Variants in MYO15A observed in about 807,000 individuals in gnomAD.
The protein encoded by MYO15A is myosin XVA.
In MYO15A, 308 loss-of-function variants were observed where a neutral mutation model predicts 394.6. The observed-to-expected ratio is 0.78, with a 90% CI of 0.71 to 0.86. The LOEUF (loss-of-function observed/expected upper bound fraction) is 0.86, where lower values mean the gene tolerates loss of function less well. Among genes scored for constraint, MYO15A ranks in the 40% least tolerant of loss-of-function variants. The pLI, the probability that MYO15A is intolerant of heterozygous loss-of-function variation, is 0.00. For synonymous variants in MYO15A, 1,957 were observed against 2,003.8 expected (o/e 0.98, Z 0.62); for missense variants, 4,606 against 4,799.1 (o/e 0.96, Z 1.19).
At chr17:18,168,195 T>A (rs1029856694) in intron 62 of MYO15A, among the ~76,000 whole-genome samples, 5 of 152,220 alleles carry the variant, frequency 3.3e-5, no homozygotes, top group African/African-American at 9.6e-5. Context: ...TTTCTTTTTT[T>A]AAAAATGATA....
In MYO15A at chr17:18,151,500, T is replaced by A; in HGVS notation, c.7760T>A (p.Phe2587Tyr). 1 of 1,614,162 alleles carries A rather than the reference T, an allele frequency of 6.2e-7. No individual in the cohort carries two copies. The highest frequency in any genetic ancestry group is 8.5e-7 in the Non-Finnish European group (1 of 1,180,046). Residue 2587 changes from phenylalanine (F) to tyrosine (Y), a missense_variant, in exon 40 of 66, where the codon TTC becomes TAC. Transcript: ENST00000647165. ...KNIVRQYQQP[F>Y]RGGRPEALRK... is the part of the protein sequence containing the mutation. ...ATTGTCAGGCAGTACCAGCAGCCGT[T>A]CCGGGGAGGCCGGCCTGAGGCCCTC...
At chr17:18,145,545 C>T (rs754719858) in intron 29 of MYO15A, among the ~76,000 whole-genome samples, 2 of 152,036 alleles carry the variant, frequency 1.3e-5, no homozygotes, top group Non-Finnish European at 2.9e-5. Flanking sequence ...GAAACGCTGT[C>T]TCTACTAAAA....
At chr17:18,141,875 C>G in intron 23 of MYO15A, 105 bp downstream of exon 23, 1 of 1,306,054 alleles carries the variant, frequency 7.7e-7, no homozygotes, top group South Asian at 1.2e-5. Flanking sequence ...CCAGGAGCAA[C>G]CCAGATGAGC....
intron 51 of MYO15A, chr17:18,158,228 G>GC (rs1235771224): frequency 1.7e-6 from 1 of 589,800 alleles, no homozygotes; most frequent in Non-Finnish European, 3.0e-6. Flanking sequence ...AGGTGAGTGG[G>GC]CGGCTTGTGG....
chr17:18,125,283 C>T (rs1408874954), intron 4 of MYO15A, 52 bp downstream of exon 4: 4 of 1,562,910 alleles, frequency 2.6e-6, no homozygotes, highest in Non-Finnish European at 3.5e-6. Context: ...AGGCAGCTGC[C>T]TCCTGGGGCC....
At chr17:18,131,673 G>A (rs920138379) in intron 10 of MYO15A, 142 bp downstream of exon 10, 5 of 1,067,236 alleles carry the variant, frequency 4.7e-6, no homozygotes, top group Non-Finnish European at 7.0e-6. Flanking sequence ...TGTGAGCCCA[G>A]GACCTCCCCT....
chr17:18,161,836 T>C (rs1437507537), intron 57 of MYO15A, among the ~76,000 whole-genome samples: 1 of 152,062 alleles, frequency 6.6e-6, no homozygotes, highest in Non-Finnish European at 1.5e-5. Context: ...AGCAAGGGTC[T>C]TGAGGGATCT....
At position 18,120,757 on chromosome 17, in the gene MYO15A, A is replaced by G. The variant is rs1233934944; in HGVS notation, c.1957A>G (p.Thr653Ala). ...GCCCGCGCCACAGCCCGCGCCCAGG[A>G]CCCTCTCCCACTGGAGCGCGCTCCT... ...RPPAPQPAPR[T>A]LSHWSALLSP... Residue 653 changes from threonine to alanine, a missense_variant, in exon 2 of 66, where the codon ACC becomes GCC. Coordinates refer to ENST00000647165, the MANE Select transcript of MYO15A (RefSeq NM_016239.4). The G allele has an allele frequency of 1.4e-6, 2 of 1,446,848 alleles. No homozygotes were observed. The highest frequency in any genetic ancestry group is 1.4e-5 in the South Asian group (1 of 73,862). 89.6% of individuals were successfully genotyped at this position (1,446,848 alleles called of 1,614,324 possible).
At chr17:18,163,060 CCT>C (rs2046798798) in intron 58 of MYO15A, among the ~76,000 whole-genome samples, 182 bp from the exon 59 acceptor site, 1 of 152,194 alleles carries the variant, frequency 6.6e-6, no homozygotes. Context: ...TGCCCAGAGA[CCT>C]CTCTGTCAGG....
rs762252599 is a variant in MYO15A at position 18,125,185 on chromosome 17, C to G, written c.3710C>G (p.Thr1237Ser). ...MTQLEDLQET[T>S]VLSNLKIRFE... ...CCTTCTAGAGACCTCCAGGAAACCACTGTGCTGTCCAACCTCAAGATTAGA... is the reference window on the plus strand; with the variant it reads ...CCTTCTAGAGACCTCCAGGAAACCAGTGTGCTGTCCAACCTCAAGATTAGA... Residue 1237 changes from threonine (T) to serine (S), a missense_variant, in exon 4 of 66, where the codon ACT becomes AGT. By Grantham distance (58) the Thr-to-Ser change is moderately conservative (BLOSUM62 1). Around this residue, in one of 2 missense-constraint regions of MYO15A, gnomAD observed 2,776 missense variants for 3,109.3 expected, o/e 0.89. Coordinates refer to ENST00000647165, the MANE Select transcript of MYO15A (RefSeq NM_016239.4). 2 of 1,614,160 alleles carry G rather than the reference C, an allele frequency of 1.2e-6. No individual in the cohort carries two copies. Among genetic ancestry groups the G allele is most frequent in the South Asian group, 2.2e-5 (2 of 91,090 alleles).
chr17:18,112,452 G>A (rs908282219), intron 1 of MYO15A, among the ~76,000 whole-genome samples: 1 of 152,134 alleles, frequency 6.6e-6, no homozygotes, highest in African/African-American at 2.4e-5. Flanking sequence ...CTGGATTGCA[G>A]TGGTGCAATC....
intron 53 of MYO15A, 96 bp downstream of exon 53, chr17:18,159,093 G>A (rs1597811697): frequency 7.0e-7 from 1 of 1,435,820 alleles, no homozygotes. Flanking sequence ...TTCTCAGTGA[G>A]ACCCTCTGAT....
rs1220004764 is a variant in MYO15A, at chr17:18,142,097, C to T, written c.5668C>T (p.Leu1890=). Residue 1890 remains leucine, a synonymous_variant, in exon 24 of 66, where the codon CTA becomes TTA. Transcript: ENST00000647165. ...TCCTTAGCTGTTCCTTAAGGAACACCTATACCAGCTGCTGGAGAGTATGCG... is the reference window on the plus strand; with the variant it reads ...TCCTTAGCTGTTCCTTAAGGAACACTTATACCAGCTGCTGGAGAGTATGCG... ...GVSKLFLKEH[L]YQLLESMREH... The T allele has an allele frequency of 1.9e-6, 3 of 1,613,276 alleles. No individual in the cohort carries two copies. The highest frequency in any genetic ancestry group is 1.1e-5 in the South Asian group (1 of 91,086).
chr17:18,160,954 G>T, intron 56 of MYO15A: 1 of 394,468 alleles, frequency 2.5e-6, no homozygotes, highest in Non-Finnish European at 4.9e-6. Flanking sequence ...GCTCCTCCCA[G>T]CCCTGGGCCT....
rs577251044 is a variant in MYO15A at position 18,114,251 on chromosome 17, T to C, written c.-219-4331T>C. On this transcript the variant is annotated intron_variant, in intron 1 of 65. Coordinates refer to ENST00000647165, the MANE Select transcript of MYO15A (RefSeq NM_016239.4). Reference sequence around the variant, plus strand: ...CCACCACAGTCCTGTCTTTTTTTTTTTTTTTTTTTTTTTTTTGAGACGGAG... The same window carrying C: ...CCACCACAGTCCTGTCTTTTTTTTTCTTTTTTTTTTTTTTTTGAGACGGAG... 1.9e-3 allele frequency among the ~76,000 whole-genome samples: 266 copies of C among 137,196 alleles called. 5 individuals carry two copies. Among genetic ancestry groups the C allele is most frequent in the African/African-American group, 6.8e-3 (255 of 37,376 alleles). The allele number at this position is 137,196 out of a possible 152,430, so 90.0% of individuals were successfully genotyped here. A position where few individuals can be genotyped will look rare whatever the true frequency, so the allele number is the denominator to read the frequency against.
intron 18 of MYO15A, chr17:18,139,259 G>A (rs1347100671): frequency 1.2e-5 from 7 of 605,568 alleles, no homozygotes; most frequent in South Asian, 1.9e-5. Context: ...CTGCCCTGGA[G>A]GTGTCTCAGG....
chr17:18,127,834 GATATAT>G (rs55650584), intron 7 of MYO15A, among the ~76,000 whole-genome samples: 45,493 of 131,044 alleles, frequency 0.35, 7,742 homozygotes, highest in South Asian at 0.52. Context: ...GAAAAAAAAA[GATATAT>G]ATATATATAT....
At position 18,158,992 on chromosome 17, in the gene MYO15A, A is replaced by T. The variant is rs1224359137; in HGVS notation, c.9151A>T (p.Thr3051Ser). Residue 3051 changes from threonine (T) to serine (S), a missense_variant, in exon 53 of 66, where the codon ACC becomes TCC. Physicochemically the swap from Thr to Ser is moderately conservative, Grantham distance 58 (BLOSUM62 1). Transcript: ENST00000647165. The part of the protein sequence containing the change: ...SRTLEDMLCF[T>S]KTPLQESLIE... ...AACCTTGGAGGACATGCTTTGCTTC[A>T]CCAAGGTGTCCAGTCCCGGACCTCA... The T allele has an allele frequency of 3.1e-6, 5 of 1,613,858 alleles. No individual in the cohort carries two copies. In the East Asian group the frequency reaches 1.1e-4, roughly 36 times the overall value.
intron 12 of MYO15A, among the ~76,000 whole-genome samples, chr17:18,133,704 G>A (rs1043143294): frequency 3.9e-5 from 6 of 152,076 alleles, no homozygotes; most frequent in South Asian, 2.1e-4. Flanking sequence ...GTGCAATGGC[G>A]CAGTCTTGGC....
Sources: gnomAD v4.1 joint callset for allele counts (sites outside exome capture counted in the v4.1 genomes callset) on GRCh38, gnomAD v4.1.1 for gene constraint, gnomAD v4.1.1 regional missense constraint, MANE v1.5 for transcripts, NCBI Gene and HGNC (gene_info 2026-07-23, HGNC 2026-07-21) for gene names.